Variants in KANK1 observed in about 807,000 individuals in gnomAD.
KANK1 encodes KN motif and ankyrin repeat domains 1.
A neutral mutation model predicts 106.2 loss-of-function variants in KANK1; 109 were observed. The observed-to-expected ratio is 1.03, with a 90% CI of 0.88 to 1.20. KANK1 has a LOEUF of 1.20. KANK1 is among the 50% of genes most tolerant of loss of function. The pLI is 0.00. For missense variants in KANK1, 2,399 were observed against 1,710.7 expected (o/e 1.40, Z -7.10); for synonymous variants, 873 against 652.2 (o/e 1.34, Z -5.16).
chr9:608,220 G>A (rs979208102), intron 1 of KANK1, among the ~76,000 whole-genome samples: 11 of 149,974 alleles, frequency 7.3e-5, no homozygotes, highest in Non-Finnish European at 1.2e-4. Flanking sequence ...TGTATTTTTA[G>A]TAGAGACGGG....
chr9:514,668 G>T (rs1326360062), intron 1 of KANK1, among the ~76,000 whole-genome samples: 6 of 151,688 alleles, frequency 4.0e-5, no homozygotes, highest in Admixed American at 3.9e-4. Flanking sequence ...GTTCCATCAT[G>T]TGAATATACT....
chr9:541,621 T>G (rs2060604192), intron 1 of KANK1, among the ~76,000 whole-genome samples: 1 of 152,062 alleles, frequency 6.6e-6, no homozygotes, highest in African/African-American at 2.4e-5. Flanking sequence ...CAAATGGGAT[T>G]GTGTTAAACT....
At chr9:716,579 G>A (rs1187787218) in intron 3 of KANK1, among the ~76,000 whole-genome samples, 2 of 152,142 alleles carry the variant, frequency 1.3e-5, no homozygotes, top group Non-Finnish European at 2.9e-5. Flanking sequence ...TTCAGAATCC[G>A]TGTCAAAGCT....
chr9:686,237 A>G (rs542490110), intron 2 of KANK1, among the ~76,000 whole-genome samples: 1 of 152,138 alleles, frequency 6.6e-6, no homozygotes, highest in Non-Finnish European at 1.5e-5. Flanking sequence ...CGATTTATTT[A>G]TTTTTCCCTC....
chr9:732,157 A>G (rs1177219802), intron 5 of KANK1: 6 of 463,514 alleles, frequency 1.3e-5, no homozygotes, highest in African/African-American at 5.8e-5. Flanking sequence ...CAAGTGTTAC[A>G]TGATACCAAT....
At chr9:579,067 C>G (rs2135201907) in intron 1 of KANK1, among the ~76,000 whole-genome samples, 1 of 152,282 alleles carries the variant, frequency 6.6e-6, no homozygotes, top group Non-Finnish European at 1.5e-5. Flanking sequence ...ATTCCGCATG[C>G]AAGCCAAGAA....
At chr9:676,046 G>A (rs571729925) in intron 1 of KANK1, among the ~76,000 whole-genome samples, 1 of 152,296 alleles carries the variant, frequency 6.6e-6, no homozygotes, top group East Asian at 1.9e-4. Flanking sequence ...CATATAATGA[G>A]CAGTGAGAAT....
chr9:558,751 A>G (rs1323107832), intron 1 of KANK1: 1 of 152,074 alleles, frequency 6.6e-6, no homozygotes, highest in Non-Finnish European at 1.5e-5. Flanking sequence ...TATAAGGGCT[A>G]GAACAAAGAG....
intron 1 of KANK1, among the ~76,000 whole-genome samples, chr9:674,754 G>A (rs999201690): frequency 1.3e-5 from 2 of 152,068 alleles, no homozygotes; most frequent in African/African-American, 4.8e-5. Context: ...CCCAGGCTGG[G>A]GTGCAGTGGT....
chr9:673,200 CT>C (rs542647158), intron 1 of KANK1, among the ~76,000 whole-genome samples: 4,318 of 97,040 alleles, frequency 0.044, 35 homozygotes, highest in African/African-American at 0.075. Flanking sequence ...ACAGTGTCTT[CT>C]TTTTTTTTTT....
intron 2 of KANK1, among the ~76,000 whole-genome samples, chr9:472,159 T>TA (rs2058033383): frequency 6.6e-6 from 1 of 152,234 alleles, no homozygotes; most frequent in South Asian, 2.1e-4. Flanking sequence ...CACAGCCTCT[T>TA]ATAGAGAGCT....
chr9:692,793 C>G (rs1226949856), intron 2 of KANK1, among the ~76,000 whole-genome samples: 3 of 151,936 alleles, frequency 2.0e-5, no homozygotes, highest in Non-Finnish European at 4.4e-5. Context: ...AGCTGGAGGA[C>G]TTCTTGAGCT....
chr9:673,965 T>C (rs1464384556), intron 1 of KANK1: 3 of 152,166 alleles, frequency 2.0e-5, no homozygotes, highest in African/African-American at 7.2e-5. Flanking sequence ...TTCTTTCCTT[T>C]GCCCCTTCAT....
intron 2 of KANK1, among the ~76,000 whole-genome samples, chr9:679,696 C>T (rs929434955): frequency 3.9e-5 from 6 of 152,148 alleles, no homozygotes; most frequent in Admixed American, 2.6e-4. Flanking sequence ...CATGAGCCAC[C>T]GCACCCAGCT....
At chr9:562,556 C>T (rs562560030) in intron 1 of KANK1, among the ~76,000 whole-genome samples, 44 of 152,270 alleles carry the variant, frequency 2.9e-4, no homozygotes, top group African/African-American at 9.9e-4. Flanking sequence ...GGGATTCCAG[C>T]TTCACTGCTT....
At chr9:614,709 C>G (rs1478424078) in intron 1 of KANK1, among the ~76,000 whole-genome samples, 1 of 152,114 alleles carries the variant, frequency 6.6e-6, no homozygotes, top group East Asian at 1.9e-4. Context: ...CCAGTACTCT[C>G]TAGTGTTGAA....
At chr9:578,464 C>CTT (rs376510070) in intron 1 of KANK1, among the ~76,000 whole-genome samples, 56 of 147,076 alleles carry the variant, frequency 3.8e-4, no homozygotes, top group African/African-American at 1.3e-3. Flanking sequence ...AAGAAAAAGC[C>CTT]TTTTTTTTTT....
intron 1 of KANK1, among the ~76,000 whole-genome samples, chr9:532,199 C>T (rs1367957344): frequency 1.4e-5 from 2 of 147,166 alleles, no homozygotes; most frequent in Non-Finnish European, 3.0e-5. Context: ...TGAGAGCATT[C>T]GTGTACAGAG....
intron 1 of KANK1, among the ~76,000 whole-genome samples, chr9:508,463 C>A (rs1482882215): frequency 6.6e-6 from 1 of 152,174 alleles, no homozygotes; most frequent in African/African-American, 2.4e-5. Flanking sequence ...AAGAGTACAT[C>A]TTCACAAATT....
Sources: allele counts gnomAD v4.1 joint callset (sites outside exome capture counted in the v4.1 genomes callset), GRCh38; gene constraint gnomAD v4.1.1; transcripts MANE v1.5; gene names NCBI Gene and HGNC (gene_info 2026-07-23, HGNC 2026-07-21).